DLG2: variants seen among roughly 807,000 people sequenced by gnomAD.
DLG2 encodes disks large homolog 2.
Under a neutral mutation model 132.5 loss-of-function variants are expected in DLG2, and 45 were observed. That is an observed-to-expected ratio of 0.34 (90% confidence interval 0.27 to 0.44). The LOEUF is 0.44. Among genes scored for constraint, DLG2 ranks in the 20% least tolerant of loss-of-function variants. The pLI, the probability that DLG2 is intolerant of heterozygous loss-of-function variation, is 1.00. For synonymous variants in DLG2, 424 were observed against 419.6 expected, an observed-to-expected ratio of 1.01 and a Z score of -0.13; for missense variants, 1,045 against 1,196.9, an observed-to-expected ratio of 0.87 and a Z score of 1.87.
At chr11:85,420,325 C>A (rs1319213084) in intron 3 of DLG2, among the ~76,000 whole-genome samples, 1 of 152,136 alleles carries the variant, frequency 6.6e-6, no homozygotes. Context: ...CAGAGGGGTG[C>A]CCACCAGATG....
chr11:83,596,330 A>G (rs1252753537), intron 19 of DLG2, among the ~76,000 whole-genome samples: 1 of 152,152 alleles, frequency 6.6e-6, no homozygotes, highest in African/African-American at 2.4e-5. Flanking sequence ...CGTGTATCCA[A>G]CCACCCAAGC....
intron 16 of DLG2, among the ~76,000 whole-genome samples, chr11:83,864,388 G>C (rs919560732): frequency 2.6e-5 from 4 of 152,136 alleles, no homozygotes; most frequent in Admixed American, 1.3e-4. Flanking sequence ...CAGAGTGCTT[G>C]GCACATACTA....
chr11:85,186,785 G>C (rs549059972), intron 4 of DLG2, among the ~76,000 whole-genome samples: 23 of 152,134 alleles, frequency 1.5e-4, no homozygotes, highest in African/African-American at 5.5e-4. Flanking sequence ...CCCATTTTTA[G>C]AACATGTGTT....
chr11:83,613,298 A>G (rs1305014816), intron 19 of DLG2, among the ~76,000 whole-genome samples: 1 of 152,228 alleles, frequency 6.6e-6, no homozygotes, highest in Non-Finnish European at 1.5e-5. Context: ...AAGCCCAGTC[A>G]TTGCTATATA....
At chr11:83,744,837 A>G (rs1433349482) in intron 18 of DLG2, among the ~76,000 whole-genome samples, 2 of 152,218 alleles carry the variant, frequency 1.3e-5, no homozygotes, top group Non-Finnish European at 2.9e-5. Flanking sequence ...CACAGAAGCT[A>G]AAACTGTGTT....
At chr11:84,032,426 C>T (rs2095727324) in intron 11 of DLG2, among the ~76,000 whole-genome samples, 1 of 152,124 alleles carries the variant, frequency 6.6e-6, no homozygotes, top group South Asian at 2.1e-4. Flanking sequence ...TAAAGCCTAA[C>T]CCAGAGCAAG....
intron 6 of DLG2, among the ~76,000 whole-genome samples, chr11:84,880,337 T>C (rs183356136): frequency 3.0e-4 from 46 of 152,208 alleles, no homozygotes; most frequent in African/African-American, 6.5e-4. Context: ...GGAATCTGTA[T>C]TGAAACACAG....
chr11:85,513,112 A>G lies in DLG2; in HGVS notation c.40+85545T>C, dbSNP rs146437527. On this transcript the variant is annotated intron_variant, in intron 3 of 27. Coordinates refer to ENST00000376104, the MANE Select transcript of DLG2 (RefSeq NM_001142699.3). ...AGAAAGAGAAAACAAAACACAGCAT[A>G]TTCTCACTTATAAGTGGGAGCTAAA... 5.4e-3 allele frequency among the ~76,000 whole-genome samples: 821 copies of G among 152,172 alleles called. 2 individuals carry two copies. Among genetic ancestry groups the G allele is most frequent in the Non-Finnish European group, 9.0e-3 (609 of 67,948 alleles).
chr11:83,519,337 A>C (rs556123300), intron 21 of DLG2, among the ~76,000 whole-genome samples: 40 of 152,332 alleles, frequency 2.6e-4, no homozygotes, highest in African/African-American at 9.1e-4. Flanking sequence ...TAATCACATT[A>C]ATGCTGTAAT....
intron 21 of DLG2, among the ~76,000 whole-genome samples, chr11:83,490,033 A>G: frequency 6.6e-6 from 1 of 152,008 alleles, no homozygotes; most frequent in East Asian, 1.9e-4. Context: ...ATGAAACCCT[A>G]ACAGCAAAAT....
Position 83,501,202 on chromosome 11 carries a change from C to CTT in DLG2, c.2194-16976_2194-16975dup, listed in dbSNP as rs66954557. The stretch of plus-strand genomic sequence containing the variant: ...TTCTATTTTTTTCTGTTTTTCTTTT[C>CTT]TTTTTTTTTTTTTTGGATATTTTCT... On this transcript the variant is annotated intron_variant, in intron 21 of 27. Coordinates refer to ENST00000376104, the MANE Select transcript of DLG2 (RefSeq NM_001142699.3). 3.8e-3 allele frequency among the ~76,000 whole-genome samples: 523 copies of CTT among 137,584 alleles called. 7 individuals carry two copies. The highest frequency in any genetic ancestry group is 0.011 in the South Asian group (49 of 4,270). 90.3% of individuals were successfully genotyped at this position (137,584 alleles called of 152,430 possible). A position where few individuals can be genotyped will look rare whatever the true frequency, so the allele number is the denominator to read the frequency against.
chr11:84,051,294 A>G (rs1313485329), intron 11 of DLG2, among the ~76,000 whole-genome samples: 1 of 151,974 alleles, frequency 6.6e-6, no homozygotes, highest in African/African-American at 2.4e-5. Context: ...AAAGGATTAT[A>G]AATCGTGTTG....
At chr11:83,818,026 G>A (rs978479498) in intron 17 of DLG2, among the ~76,000 whole-genome samples, 1 of 152,104 alleles carries the variant, frequency 6.6e-6, no homozygotes, top group African/African-American at 2.4e-5. Flanking sequence ...CTAGCATATT[G>A]GAGCTGGAAG....
At chr11:85,435,584 A>G (rs890804850) in intron 3 of DLG2, among the ~76,000 whole-genome samples, 4 of 152,136 alleles carry the variant, frequency 2.6e-5, no homozygotes, top group Non-Finnish European at 5.9e-5. Context: ...AGAATAAAAT[A>G]CCCATCAATA....
At chr11:84,047,970 T>G (rs1187959015) in intron 11 of DLG2, among the ~76,000 whole-genome samples, 1 of 151,562 alleles carries the variant, frequency 6.6e-6, no homozygotes, top group Non-Finnish European at 1.5e-5. Context: ...GAGAGCTTGT[T>G]TACAGACATC....
At chr11:83,686,897 A>G (rs1356844157) in intron 18 of DLG2, among the ~76,000 whole-genome samples, 1 of 152,174 alleles carries the variant, frequency 6.6e-6, no homozygotes, top group Non-Finnish European at 1.5e-5. Flanking sequence ...ATGTGACCTT[A>G]TTGGGAAATA....
chr11:85,505,041 G>A (rs1272364068), intron 3 of DLG2, among the ~76,000 whole-genome samples: 1 of 151,978 alleles, frequency 6.6e-6, no homozygotes, highest in Non-Finnish European at 1.5e-5. Flanking sequence ...TGGTGTACAG[G>A]AATGCTTGTG....
intron 5 of DLG2, among the ~76,000 whole-genome samples, chr11:85,137,937 A>G (rs1415958607): frequency 1.3e-5 from 2 of 152,196 alleles, no homozygotes; most frequent in African/African-American, 2.4e-5. Flanking sequence ...CAGAGTTTCT[A>G]TCATTAAAAA....
intron 7 of DLG2, among the ~76,000 whole-genome samples, chr11:84,470,723 T>G (rs1372968467): frequency 6.6e-6 from 1 of 151,702 alleles, no homozygotes; most frequent in Non-Finnish European, 1.5e-5. Context: ...ATAAAGGAAG[T>G]TTGAGATGGC....
Sources: allele counts gnomAD v4.1 joint callset (sites outside exome capture counted in the v4.1 genomes callset), GRCh38; gene constraint gnomAD v4.1.1; transcripts MANE v1.5; gene names NCBI Gene and HGNC (gene_info 2026-07-23, HGNC 2026-07-21).